The following KCND2 variants were observed in gnomAD, a reference collection of about 807,000 sequenced individuals.
KCND2 encodes the protein A-type voltage-gated potassium channel KCND2.
KCND2 carries 16 observed loss-of-function variants against 54.4 expected under a neutral mutation model. That is an observed-to-expected ratio of 0.29 (90% CI 0.20 to 0.45). The LOEUF (loss-of-function observed/expected upper bound fraction) is 0.45. Among genes scored for constraint, KCND2 ranks in the 20% least tolerant of loss-of-function variants. The pLI is 1.00. For missense variants in KCND2, 486 were observed against 824.2 expected, an observed-to-expected ratio of 0.59 and a Z score of 5.02; for synonymous variants, 317 against 310.7, an observed-to-expected ratio of 1.02 and a Z score of -0.21.
intron 1 of KCND2, among the ~76,000 whole-genome samples, chr7:120,457,518 A>G (rs1174437650): frequency 1.3e-5 from 2 of 152,208 alleles, no homozygotes; most frequent in Non-Finnish European, 2.9e-5. Context: ...GCACAGCAAG[A>G]GTGACATTTA....
chr7:120,686,699 T>C (rs1792206039), intron 1 of KCND2, among the ~76,000 whole-genome samples: 1 of 152,132 alleles, frequency 6.6e-6, no homozygotes, highest in Admixed American at 6.6e-5. Context: ...TGCCAGCACC[T>C]GGGAAGGGCT....
intron 1 of KCND2, among the ~76,000 whole-genome samples, chr7:120,294,514 G>A (rs139299813): frequency 8.6e-5 from 13 of 151,396 alleles, no homozygotes; most frequent in East Asian, 5.8e-4. Flanking sequence ...GATTAATGCC[G>A]TATAATATAA....
At chr7:120,659,985 G>A (rs889441960) in intron 1 of KCND2, among the ~76,000 whole-genome samples, 1 of 152,106 alleles carries the variant, frequency 6.6e-6, no homozygotes, top group South Asian at 2.1e-4. Flanking sequence ...GCAGAGACCG[G>A]TAAGAATACT....
In KCND2 at chr7:120,586,082, T is replaced by C. The variant is rs1181821577; in HGVS notation, c.1116-146821T>C. ...CTTGATTTCTATAGATTGTTTTTTC[T>C]ATATAGGAACTATGTGGTCAGATTT... On this transcript the variant is annotated intron_variant, in intron 1 of 5. Transcript: ENST00000331113. Among the ~76,000 whole-genome samples the C allele has an allele frequency of 2.6e-5, 4 of 152,138 alleles. No homozygotes were observed. The East Asian group carries it at 5.8e-4, about 22-fold the overall frequency.
At chr7:120,384,202 GT>G (rs148836586) in intron 1 of KCND2, among the ~76,000 whole-genome samples, 4,180 of 151,676 alleles carry the variant, frequency 0.028, 85 homozygotes, top group Non-Finnish European at 0.044. Context: ...TATTTTCATT[GT>G]TTTTTTCCCC....
chr7:120,375,463 G>T (rs1800823765), intron 1 of KCND2, among the ~76,000 whole-genome samples: 1 of 151,674 alleles, frequency 6.6e-6, no homozygotes, highest in Non-Finnish European at 1.5e-5. Context: ...TCATTGTTCA[G>T]TTCTATTTCT....
chr7:120,611,436 T>C (rs1028923134), intron 1 of KCND2, among the ~76,000 whole-genome samples: 4 of 152,208 alleles, frequency 2.6e-5, no homozygotes, highest in Non-Finnish European at 5.9e-5. Flanking sequence ...GCCCTACATT[T>C]GCAGGGGGTG....
At chr7:120,493,264 A>G (rs150848931) in intron 1 of KCND2, among the ~76,000 whole-genome samples, 9 of 151,694 alleles carry the variant, frequency 5.9e-5, no homozygotes, top group East Asian at 3.9e-4. Flanking sequence ...TCCCTACTCT[A>G]TTATCCCATA....
At chr7:120,419,481 A>T (rs1360999324) in intron 1 of KCND2, among the ~76,000 whole-genome samples, 2 of 152,196 alleles carry the variant, frequency 1.3e-5, no homozygotes, top group Non-Finnish European at 2.9e-5. Context: ...TATACTAAGG[A>T]ATCTCTTTGT....
chr7:120,350,462 A>C (rs1800385222), intron 1 of KCND2, among the ~76,000 whole-genome samples: 1 of 152,192 alleles, frequency 6.6e-6, no homozygotes, highest in Admixed American at 6.5e-5. Context: ...AGAGGATCTT[A>C]ACTTTCATAT....
intron 1 of KCND2, among the ~76,000 whole-genome samples, chr7:120,720,291 A>T (rs1261126676): frequency 6.6e-6 from 1 of 152,144 alleles, no homozygotes; most frequent in Non-Finnish European, 1.5e-5. Flanking sequence ...AATCTGGATA[A>T]AATGCAATTT....
chr7:120,441,862 A>G (rs1318720373), intron 1 of KCND2, among the ~76,000 whole-genome samples: 1 of 152,118 alleles, frequency 6.6e-6, no homozygotes, highest in Non-Finnish European at 1.5e-5. Flanking sequence ...CACCTTGGCT[A>G]TTGTTGTGGG....
intron 1 of KCND2, among the ~76,000 whole-genome samples, chr7:120,375,880 TG>T (rs1261455911): frequency 6.6e-6 from 1 of 151,728 alleles, no homozygotes; most frequent in African/African-American, 2.4e-5. Flanking sequence ...AAATAAGATA[TG>T]TAGGGCTTTA....
At chr7:120,706,636 G>C (rs1458911451) in intron 1 of KCND2, among the ~76,000 whole-genome samples, 2 of 152,160 alleles carry the variant, frequency 1.3e-5, no homozygotes, top group Non-Finnish European at 2.9e-5. Context: ...ACATTCAAAA[G>C]ATAGCAGGTA....
intron 1 of KCND2, among the ~76,000 whole-genome samples, chr7:120,394,118 C>A (rs1801116818): frequency 6.6e-6 from 1 of 151,956 alleles, no homozygotes. Context: ...AAAATCAATT[C>A]ACTGAGACCG....
Position 120,578,543 on chromosome 7 carries a change from C to A in KCND2, c.1116-154360C>A, listed in dbSNP as rs1230022574. Among the ~76,000 whole-genome samples the A allele has an allele frequency of 2.0e-5, 3 of 151,986 alleles. No individual in the cohort carries two copies. The South Asian group carries it at 6.2e-4, about 32-fold the overall frequency. ...AAGAAATAAAGTTTGTCCAGCCTAG[C>A]GAACATGGTGAAATCCTTTGTCTAC... On this transcript the variant is annotated intron_variant, in intron 1 of 5. Transcript: ENST00000331113.
intron 1 of KCND2, among the ~76,000 whole-genome samples, chr7:120,708,573 A>G (rs1174102427): frequency 6.6e-6 from 1 of 152,130 alleles, no homozygotes; most frequent in Non-Finnish European, 1.5e-5. Context: ...ACTTTTTACT[A>G]TTTCCAGGAC....
intron 1 of KCND2, among the ~76,000 whole-genome samples, chr7:120,603,326 C>T (rs149694716): frequency 0.016 from 2,435 of 152,298 alleles, 39 homozygotes; most frequent in Middle Eastern, 0.041. Flanking sequence ...ATCTATGAGA[C>T]GTGCCCCTTC....
chr7:120,575,085 A>G (rs912929088), intron 1 of KCND2, among the ~76,000 whole-genome samples: 3 of 152,126 alleles, frequency 2.0e-5, no homozygotes, highest in African/African-American at 7.2e-5. Context: ...ATTCGTATCT[A>G]ATAGTATCTA....
Sources: gnomAD v4.1 joint callset for allele counts (sites outside exome capture counted in the v4.1 genomes callset) on GRCh38, gnomAD v4.1.1 for gene constraint, MANE v1.5 for transcripts, NCBI Gene and HGNC (gene_info 2026-07-23, HGNC 2026-07-21) for gene names.